DDX60L: variants seen among roughly 807,000 people sequenced by gnomAD.
The protein encoded by DDX60L is probable ATP-dependent RNA helicase DDX60-like.
A neutral mutation model predicts 211.6 loss-of-function variants in DDX60L; 191 were observed. The observed-to-expected ratio is 0.90, with a 90% CI of 0.80 to 1.02. The LOEUF (loss-of-function observed/expected upper bound fraction) is 1.02, where lower values mean the gene tolerates loss of function less well. Among genes scored for constraint, DDX60L ranks in the 50% least tolerant of loss-of-function variants. DDX60L has a pLI of 0.00. For synonymous variants in DDX60L, 706 were observed against 694.1 expected (o/e 1.02, Z -0.27); for missense variants, 2,007 against 1,984.1 (o/e 1.01, Z -0.22).
rs61119279 is a variant in DDX60L, at chr4:168,369,488, A to AAAAAACC, written c.4928+2123_4928+2124insGGTTTTT. 6.1e-4 allele frequency among the ~76,000 whole-genome samples: 90 copies of AAAAAACC among 147,076 alleles called. 1 individual carries two copies. The highest frequency in any genetic ancestry group is 2.2e-3 in the African/African-American group (89 of 40,112). On this transcript the variant is annotated intron_variant, in intron 36 of 37. Coordinates refer to ENST00000682922, the MANE Select transcript of DDX60L (RefSeq NM_001012967.3). Reference sequence around the variant, plus strand: ...ATACAGCCATTTAAAAAAAACAAAAAAAAAAAAACAGCAGAAAAACTTCAT... The same window carrying AAAAAACC: ...ATACAGCCATTTAAAAAAAACAAAAAAAAAACCAAAAAAAACAGCAGAAAAACTTCAT...
chr4:168,395,834 A>G (rs1014275435), intron 27 of DDX60L, 125 bp downstream of exon 27: 21 of 694,330 alleles, frequency 3.0e-5, no homozygotes, highest in Non-Finnish European at 4.8e-5. Context: ...AAACAAAATC[A>G]CACACAGAGA....
Position 168,412,629 on chromosome 4 carries a change from G to A in DDX60L, c.2979+2779C>T, listed in dbSNP as rs1023194418. 8.5e-5 allele frequency among the ~76,000 whole-genome samples: 13 copies of A among 152,324 alleles called. No homozygotes were observed. The Middle Eastern group carries it at 0.01, about 120-fold the overall frequency. On this transcript the variant is annotated intron_variant, in intron 22 of 37. Coordinates refer to ENST00000682922, the MANE Select transcript of DDX60L (RefSeq NM_001012967.3). ...CCTTGAAGAAAAGGACACCAGCCTG[G>A]CTGGCTTCACCACCTACTGATTGTA...
chr4:168,423,580 A>AAAGTAT (rs1554008263), intron 15 of DDX60L, 28 bp downstream of exon 15: 9 of 1,482,040 alleles, frequency 6.1e-6, no homozygotes, highest in Middle Eastern at 2.0e-4. Context: ...GTAAAAATTT[A>AAAGTAT]AAGTATAAGA....
chr4:168,416,057 A>G (rs1579490341), intron 20 of DDX60L, among the ~76,000 whole-genome samples: 2 of 152,304 alleles, frequency 1.3e-5, no homozygotes, highest in African/African-American at 4.8e-5. Context: ...TGAATGAGTT[A>G]GCGTGCCTGC....
intron 9 of DDX60L, among the ~76,000 whole-genome samples, chr4:168,442,026 T>C (rs780662196): frequency 3.1e-4 from 47 of 152,246 alleles, no homozygotes; most frequent in Admixed American, 9.2e-4. Flanking sequence ...GGAACAGCTC[T>C]GGTCTACAGC....
chr4:168,400,100 A>G (rs979660965), intron 26 of DDX60L, among the ~76,000 whole-genome samples: 9 of 152,108 alleles, frequency 5.9e-5, no homozygotes, highest in African/African-American at 2.2e-4. Context: ...CCTACTTATA[A>G]GTGAGAACAT....
chr4:168,384,244 C>T (rs1743457959), intron 30 of DDX60L, among the ~76,000 whole-genome samples: 1 of 152,044 alleles, frequency 6.6e-6, no homozygotes, highest in Non-Finnish European at 1.5e-5. Context: ...CTACAGAACC[C>T]TAATACAGTG....
At chr4:168,386,502 C>T (rs906277907) in intron 29 of DDX60L, among the ~76,000 whole-genome samples, 2 of 149,752 alleles carry the variant, frequency 1.3e-5, no homozygotes, top group African/African-American at 4.9e-5. Context: ...AGGCGGTCTT[C>T]ATAATAATCC....
chr4:168,396,239 C>T (rs1264127557), intron 26 of DDX60L, 115 bp from the exon 27 acceptor site: 1 of 611,050 alleles, frequency 1.6e-6, no homozygotes, highest in South Asian at 2.7e-5. Flanking sequence ...ACAGTAGCTC[C>T]ATCAATCCTG....
chr4:168,359,352 C>G (rs1006998623), intron 37 of DDX60L, among the ~76,000 whole-genome samples: 3 of 152,186 alleles, frequency 2.0e-5, no homozygotes, highest in African/African-American at 7.2e-5. Flanking sequence ...AATTCCAACT[C>G]ATACTTTTTT....
chr4:168,410,140 A>G (rs1426908371), intron 22 of DDX60L, among the ~76,000 whole-genome samples: 1 of 152,186 alleles, frequency 6.6e-6, no homozygotes, highest in Non-Finnish European at 1.5e-5. Flanking sequence ...AAAAGAAGAC[A>G]TGAAAGCAAA....
intron 19 of DDX60L, among the ~76,000 whole-genome samples, chr4:168,417,288 C>T (rs1749729116): frequency 1.3e-5 from 2 of 152,166 alleles, no homozygotes; most frequent in South Asian, 2.1e-4. Flanking sequence ...TGGCTTCTTC[C>T]CACCTTTCCA....
intron 14 of DDX60L, among the ~76,000 whole-genome samples, chr4:168,425,298 T>G (rs1346011463): frequency 6.6e-6 from 1 of 152,240 alleles, no homozygotes; most frequent in East Asian, 1.9e-4. Flanking sequence ...GAGCATAGTC[T>G]CTGACAGCCC....
At chr4:168,381,367 G>A (rs1398183940) in intron 30 of DDX60L, among the ~76,000 whole-genome samples, 3 of 151,976 alleles carry the variant, frequency 2.0e-5, no homozygotes, top group Admixed American at 1.3e-4. Context: ...TCAAACTCCT[G>A]GACTCAAGTG....
chr4:168,453,608 G>T (rs537475360), intron 7 of DDX60L, among the ~76,000 whole-genome samples: 7 of 152,176 alleles, frequency 4.6e-5, no homozygotes, highest in African/African-American at 1.7e-4. Flanking sequence ...TTCAGAGAAT[G>T]AAGAGTAATA....
At chr4:168,364,199 A>G (rs1005082461) in intron 36 of DDX60L, among the ~76,000 whole-genome samples, 4 of 152,214 alleles carry the variant, frequency 2.6e-5, no homozygotes, top group Non-Finnish European at 4.4e-5. Context: ...CATAGAATGA[A>G]AGTGAAGGAA....
chr4:168,395,591 A>G (rs1745626777), intron 27 of DDX60L: 1 of 164,418 alleles, frequency 6.1e-6, no homozygotes, highest in Admixed American at 6.4e-5. Context: ...TGAATGTTAT[A>G]TAGGTCTCTG....
At chr4:168,419,690 C>T (rs962745) in intron 18 of DDX60L, among the ~76,000 whole-genome samples, 1 of 152,030 alleles carries the variant, frequency 6.6e-6, no homozygotes, top group African/African-American at 2.4e-5. Flanking sequence ...TACCTATCGA[C>T]GGGTCCACTA....
At chr4:168,394,169 C>T (rs1250873662) in intron 28 of DDX60L, among the ~76,000 whole-genome samples, 1 of 150,662 alleles carries the variant, frequency 6.6e-6, no homozygotes, top group Non-Finnish European at 1.5e-5. Context: ...GCACTCCAGC[C>T]TGGAAAACAG....
Sources: gnomAD v4.1 joint callset for allele counts (sites outside exome capture counted in the v4.1 genomes callset) on GRCh38, gnomAD v4.1.1 for gene constraint, MANE v1.5 for transcripts, NCBI Gene and HGNC (gene_info 2026-07-23, HGNC 2026-07-21) for gene names.